DUSP18: variants seen among roughly 807,000 people sequenced by gnomAD.
The protein encoded by DUSP18 is dual specificity phosphatase 18, also known as dual specificity protein phosphatase 18.
In DUSP18, 4 loss-of-function variants were observed where a neutral mutation model predicts 6.3. The ratio of observed to expected loss-of-function variants is 0.63; its 90% CI spans 0.31 to 1.45. The LOEUF (loss-of-function observed/expected upper bound fraction) is 1.45, where lower values mean the gene tolerates loss of function less well. DUSP18 is among the 40% of genes most tolerant of loss of function. DUSP18 has a pLI of 0.07. For missense variants in DUSP18, 235 were observed against 247.7 expected (o/e 0.95, Z 0.34); for synonymous variants, 96 against 95.1 (o/e 1.01, Z -0.05).
chr22:30,663,166 C>T lies in DUSP18; in HGVS notation c.*271G>A, dbSNP rs1467299609. On this transcript the variant is annotated 3_prime_UTR_variant, in exon 2 of 2. Coordinates refer to ENST00000334679, the MANE Select transcript of DUSP18 (RefSeq NM_152511.5). ...TGCCATGTGCAATGGGTGCTGCCCT[C>T]TTTCTTCTGGGCACCATCTGCCTCA... 9 of 418,094 alleles carry T rather than the reference C, an allele frequency of 2.2e-5. No individual in the cohort carries two copies. Among genetic ancestry groups the T allele is most frequent in the Non-Finnish European group, 3.9e-5 (9 of 231,538 alleles). The allele number at this position is 418,094 out of a possible 1,614,324, so 25.9% of individuals were successfully genotyped here.
intron 2 of DUSP18, chr22:30,654,123 G>A: frequency 4.4e-6 from 1 of 228,658 alleles, no homozygotes; most frequent in Non-Finnish European, 8.7e-6. Flanking sequence ...GAGACTACGG[G>A]CGCCCGCCAC....
At chr22:30,657,224 CAGG>C (rs1211101834), downstream of DUSP18, among the ~76,000 whole-genome samples, 2 of 151,664 alleles carry the variant, frequency 1.3e-5, no homozygotes, top group African/African-American at 4.9e-5. Context: ...CACCTGAGGT[CAGG>C]AGTTTGAGAC....
Position 30,655,302 on chromosome 22 carries a change from A to G in DUSP18, c.*34-3005T>C, listed in dbSNP as rs1602090585. Among the ~76,000 whole-genome samples the G allele has an allele frequency of 2.0e-5, 3 of 151,380 alleles. No individual in the cohort carries two copies. In the South Asian group the frequency reaches 6.3e-4, roughly 32 times the overall value. ...AAAACCCTGTCTCTACGGAAAAAAA[A>G]AAAAAATAGCCAAGTATGGTGGTGC... On this transcript the variant is annotated intron_variant, in intron 2 of 2. Transcript: ENST00000404885.
In DUSP18 at chr22:30,663,965, C is replaced by T. The variant is rs1050888093; in HGVS notation, c.39G>A (p.Arg13=). The T allele has an allele frequency of 1.9e-6, 3 of 1,614,100 alleles. No individual in the cohort carries two copies. The highest frequency in any genetic ancestry group is 1.7e-6 in the Non-Finnish European group (2 of 1,179,980). ...GCGAGAGGCCGCTGACTGAGGGCTG[C>T]CGGAACTGAACTGGGAAGGCACACG... ...APSCAFPVQF[R]QPSVSGLSQI... Residue 13 remains arginine (R), a synonymous_variant, in exon 2 of 2, where the codon CGG becomes CGA. Coordinates refer to ENST00000334679, the MANE Select transcript of DUSP18 (RefSeq NM_152511.5).
Position 30,664,020 on chromosome 22 carries a change from T to A in DUSP18, c.-17A>T. On this transcript the variant is annotated 5_prime_UTR_variant, in exon 2 of 2. Transcript: ENST00000334679. ...TGCTGTCATCAAGGCGGTGGGTCAGTGGTCAGCAGTCAGCGAAGCACGAAG... is the reference window on the plus strand; with the variant it reads ...TGCTGTCATCAAGGCGGTGGGTCAGAGGTCAGCAGTCAGCGAAGCACGAAG... 6.2e-7 allele frequency: 1 copy of A among 1,603,376 alleles called. No homozygotes were observed. Among genetic ancestry groups the A allele is most frequent in the Non-Finnish European group, 8.5e-7 (1 of 1,172,376 alleles).
At chr22:30,666,454 T>G (rs570553162) in intron 1 of DUSP18, among the ~76,000 whole-genome samples, 1 of 151,958 alleles carries the variant, frequency 6.6e-6, no homozygotes, top group South Asian at 2.1e-4. Flanking sequence ...AACCCCCGTC[T>G]CTACTAAAAA....
At chr22:30,666,515 A>C (rs2088670852) in intron 1 of DUSP18, among the ~76,000 whole-genome samples, 1 of 148,070 alleles carries the variant, frequency 6.8e-6, no homozygotes, top group African/African-American at 2.5e-5. Flanking sequence ...CCAGCTACTC[A>C]GGAGGCTGAG....
Position 30,661,517 on chromosome 22 carries a change from C to T in DUSP18, c.*1920G>A, listed in dbSNP as rs1405635289. The T allele has an allele frequency of 2.0e-5, 3 of 147,078 alleles. No homozygotes were observed. The highest frequency in any genetic ancestry group is 5.0e-5 in the African/African-American group (2 of 39,944). The allele number at this position is 147,078 out of a possible 1,614,324, so 9.1% of individuals were successfully genotyped here. On this transcript the variant is annotated 3_prime_UTR_variant, in exon 2 of 2. Coordinates refer to ENST00000334679, the MANE Select transcript of DUSP18 (RefSeq NM_152511.5). ...AGGCTGGAGTGCAATGGTGCAAGCTCGGCTCACTGCAACCTCCGCCTCCTG... is the reference window on the plus strand; with the variant it reads ...AGGCTGGAGTGCAATGGTGCAAGCTTGGCTCACTGCAACCTCCGCCTCCTG...
At position 30,667,471 on chromosome 22, in the gene DUSP18, T is replaced by G. The variant is rs1350726731; in HGVS notation, c.-87A>C. On this transcript the variant is annotated 5_prime_UTR_variant, in exon 1 of 2. Coordinates refer to ENST00000334679, the MANE Select transcript of DUSP18 (RefSeq NM_152511.5). ...ACCCCCAGGGTTTTACCTCTCTCCT[T>G]CAGGCGGGTGGGCGGGTTCGCTCAG... 2 of 152,188 alleles carry G rather than the reference T, an allele frequency of 1.3e-5. No individual in the cohort carries two copies. Among genetic ancestry groups the G allele is most frequent in the Non-Finnish European group, 2.9e-5 (2 of 68,024 alleles). 9.4% of individuals were successfully genotyped at this position (152,188 alleles called of 1,614,324 possible). A position where few individuals can be genotyped will look rare whatever the true frequency, so the allele number is the denominator to read the frequency against.
chr22:30,659,382 C>CT (rs755290014), downstream of DUSP18, among the ~76,000 whole-genome samples: 8 of 151,880 alleles, frequency 5.3e-5, no homozygotes, highest in Middle Eastern at 3.4e-3. Flanking sequence ...TTTTTTCTCT[C>CT]TTTTTTTTGA....
intron 1 of DUSP18, chr22:30,665,627 G>A (rs1026231441): frequency 1.1e-5 from 5 of 453,972 alleles, no homozygotes; most frequent in African/African-American, 1.0e-4. Flanking sequence ...TCTGCTCCAG[G>A]CTTTCTTAGC....
At chr22:30,666,621 CAAAAAAAAA>C (rs55979351) in intron 1 of DUSP18, among the ~76,000 whole-genome samples, 9 of 62,496 alleles carry the variant, frequency 1.4e-4, no homozygotes, top group Admixed American at 7.7e-4. Flanking sequence ...GACTCCATCT[CAAAAAAAAA>C]AAAAAAAAAA....
chr22:30,655,083 G>A (rs1484999645), intron 2 of DUSP18, among the ~76,000 whole-genome samples: 2 of 152,122 alleles, frequency 1.3e-5, no homozygotes, highest in African/African-American at 4.8e-5. Context: ...TCCCTACACT[G>A]CTATGAAGAA....
intron 2 of DUSP18, chr22:30,653,977 G>GT (rs1316985664): frequency 0.023 from 3,372 of 149,632 alleles, 71 homozygotes; most frequent in African/African-American, 0.036. Context: ...TAGCTGTTTT[G>GT]TTTTTTTGTT....
chr22:30,658,747 A>C (rs1321261305), downstream of DUSP18, among the ~76,000 whole-genome samples: 1 of 152,196 alleles, frequency 6.6e-6, no homozygotes, highest in African/African-American at 2.4e-5. Context: ...GCAGTATTCC[A>C]GTGAATGAGA....
chr22:30,654,564 G>A (rs2088295149), intron 2 of DUSP18: 10 of 451,596 alleles, frequency 2.2e-5, no homozygotes, highest in South Asian at 8.3e-5. Context: ...CTCGGGGTCC[G>A]CCAGAAGATG....
chr22:30,656,593 A>G (rs1369800220), downstream of DUSP18, among the ~76,000 whole-genome samples: 1 of 152,178 alleles, frequency 6.6e-6, no homozygotes, highest in Non-Finnish European at 1.5e-5. Flanking sequence ...AGGCTATGGG[A>G]CCACTTCTTT....
At chr22:30,659,180 C>T (rs1205432580), downstream of DUSP18, among the ~76,000 whole-genome samples, 1 of 150,480 alleles carries the variant, frequency 6.6e-6, no homozygotes, top group Non-Finnish European at 1.5e-5. Flanking sequence ...ACTACAATAG[C>T]CCACAGGAGA....
chr22:30,663,613 G>C lies in DUSP18; in HGVS notation c.391C>G (p.His131Asp). Residue 131 changes from histidine (H) to aspartate (D), a missense_variant, in exon 2 of 2, where the codon CAC becomes GAC. His to Asp is a moderately conservative substitution (Grantham distance 81). Transcript: ENST00000334679. The stretch of plus-strand genomic sequence containing the variant: ...GGCCGGCATGACTTGGTCCACGTGT[G>C]GGCGTCCAGCAGGGACATGGCGTGG... ...KYHAMSLLDA[H>D]TWTKSCRPII... is the part of the protein sequence containing the mutation. 1 of 1,614,214 alleles carries C rather than the reference G, an allele frequency of 6.2e-7. No homozygotes were observed. Among genetic ancestry groups the C allele is most frequent in the African/African-American group, 1.3e-5 (1 of 75,058 alleles).
Sources: allele counts gnomAD v4.1 joint callset (sites outside exome capture counted in the v4.1 genomes callset), GRCh38; gene constraint gnomAD v4.1.1; transcripts MANE v1.5; gene names NCBI Gene and HGNC (gene_info 2026-07-23, HGNC 2026-07-21).